The following SMYD3 variants were observed in gnomAD, a reference collection of about 807,000 sequenced individuals.
SMYD3 encodes the protein SET and MYND domain containing 3, also known as histone-lysine N-methyltransferase SMYD3.
Under a neutral mutation model 57.7 loss-of-function variants are expected in SMYD3, and 36 were observed. The observed-to-expected ratio is 0.62, with a 90% CI of 0.48 to 0.82. The LOEUF (loss-of-function observed/expected upper bound fraction) is 0.82. SMYD3 is among the 40% of genes least tolerant of loss of function. SMYD3 has a pLI of 0.00. For synonymous variants in SMYD3, 211 were observed against 195.0 expected (o/e 1.08, Z -0.68); for missense variants, 515 against 538.8 (o/e 0.96, Z 0.44).
chr1:246,194,361 T>C (rs941397373), intron 5 of SMYD3, among the ~76,000 whole-genome samples: 1 of 151,592 alleles, frequency 6.6e-6, no homozygotes, highest in East Asian at 1.9e-4. Context: ...TCCCACCTCC[T>C]GGGTTCAAGC....
At chr1:246,025,546 A>G (rs955043085) in intron 5 of SMYD3, among the ~76,000 whole-genome samples, 1 of 152,086 alleles carries the variant, frequency 6.6e-6, no homozygotes, top group South Asian at 2.1e-4. Context: ...AGGTCAAAAC[A>G]CTCATACCTC....
At chr1:246,104,374 C>T (rs1465986912) in intron 5 of SMYD3, among the ~76,000 whole-genome samples, 1 of 152,228 alleles carries the variant, frequency 6.6e-6, no homozygotes, top group Non-Finnish European at 1.5e-5. Flanking sequence ...CGGTGCTACT[C>T]AGAGCATGCT....
intron 5 of SMYD3, among the ~76,000 whole-genome samples, chr1:246,261,707 TA>T (rs34249312): frequency 0.42 from 63,089 of 150,960 alleles, 14,681 homozygotes; most frequent in East Asian, 0.79. Flanking sequence ...AATAAGAATT[TA>T]AAAAAAAAAT....
chr1:246,434,117 G>C (rs527406513), intron 1 of SMYD3, among the ~76,000 whole-genome samples: 1 of 152,128 alleles, frequency 6.6e-6, no homozygotes, highest in Non-Finnish European at 1.5e-5. Flanking sequence ...CAGAAATTAA[G>C]TCAAGATGGA....
chr1:245,807,719 C>T (rs1200737293), intron 10 of SMYD3, among the ~76,000 whole-genome samples: 1 of 151,308 alleles, frequency 6.6e-6, no homozygotes, highest in East Asian at 1.9e-4. Flanking sequence ...TTCAGAGACG[C>T]ATCAAGTGAC....
At chr1:245,964,281 C>A (rs1402606723) in intron 5 of SMYD3, among the ~76,000 whole-genome samples, 3 of 152,192 alleles carry the variant, frequency 2.0e-5, no homozygotes, top group Non-Finnish European at 4.4e-5. Context: ...AAACCTCCCA[C>A]CAGGCCCCAC....
rs201726897 is a variant in SMYD3, at chr1:246,023,807, C to CTGTGTGTGTGTGTGTGTGTGTGTGTG, written c.532-93896_532-93871dup. Among the ~76,000 whole-genome samples, 142 of 139,608 alleles carry CTGTGTGTGTGTGTGTGTGTGTGTGTG rather than the reference C, an allele frequency of 1.0e-3. 2 individuals carry two copies. Among genetic ancestry groups the CTGTGTGTGTGTGTGTGTGTGTGTGTG allele is most frequent in the Middle Eastern group, 3.6e-3 (1 of 280 alleles). The allele number at this position is 139,608 out of a possible 152,430, so 91.6% of individuals were successfully genotyped here. A position where few individuals can be genotyped will look rare whatever the true frequency, so the allele number is the denominator to read the frequency against. ...CCCACTTCACAGGACTATTACAAAA[C>CTGTGTGTGTGTGTGTGTGTGTGTGTG]TGTGTGTGTGTGTGTGTGTGTGTGT... On this transcript the variant is annotated intron_variant, in intron 5 of 11. Transcript: ENST00000490107.
chr1:246,494,251 A>G (rs1050568191), intron 1 of SMYD3, among the ~76,000 whole-genome samples: 1 of 152,246 alleles, frequency 6.6e-6, no homozygotes, highest in African/African-American at 2.4e-5. Context: ...CTATACAAAC[A>G]GCACTTCGCT....
chr1:245,979,116 G>A (rs899575461), intron 5 of SMYD3, among the ~76,000 whole-genome samples: 1 of 152,146 alleles, frequency 6.6e-6, no homozygotes, highest in African/African-American at 2.4e-5. Context: ...AACCTAGATA[G>A]GAGATGAGTC....
chr1:245,907,203 A>G (rs1306229142), intron 8 of SMYD3, among the ~76,000 whole-genome samples: 1 of 152,200 alleles, frequency 6.6e-6, no homozygotes, highest in Non-Finnish European at 1.5e-5. Context: ...GTTTTAAGAT[A>G]ACTTAAAAAA....
chr1:246,418,971 T>A (rs1041234054), intron 1 of SMYD3, among the ~76,000 whole-genome samples: 1 of 152,180 alleles, frequency 6.6e-6, no homozygotes, highest in African/African-American at 2.4e-5. Flanking sequence ...ACCATTGTGA[T>A]TTGTTCCCTC....
At chr1:246,354,751 G>C (rs1323158468) in intron 2 of SMYD3, among the ~76,000 whole-genome samples, 1 of 152,078 alleles carries the variant, frequency 6.6e-6, no homozygotes, top group Non-Finnish European at 1.5e-5. Flanking sequence ...CTGTGGAAAT[G>C]AGAATTGAAG....
intron 1 of SMYD3, among the ~76,000 whole-genome samples, chr1:246,480,065 T>C (rs945576554): frequency 2.6e-5 from 4 of 152,226 alleles, no homozygotes; most frequent in Non-Finnish European, 5.9e-5. Flanking sequence ...AGTTCAAGGA[T>C]CTTTTTTTAA....
chr1:246,477,061 A>C (rs959701758), intron 1 of SMYD3, among the ~76,000 whole-genome samples: 3 of 152,200 alleles, frequency 2.0e-5, no homozygotes, highest in Non-Finnish European at 4.4e-5. Context: ...GACATCTCTG[A>C]TGTGAATTGA....
At position 246,179,368 on chromosome 1, in the gene SMYD3, CTT is replaced by C. The variant is rs369814020; in HGVS notation, c.531+147831_531+147832del. ...TTTTGGTGATGAGGGGTCCTGATCT[CTT>C]GACATACAGACTGAAAAAATGGGGG... On this transcript the variant is annotated intron_variant, in intron 5 of 11. Coordinates refer to ENST00000490107, the MANE Select transcript of SMYD3 (RefSeq NM_001167740.2). 6.6e-5 allele frequency among the ~76,000 whole-genome samples: 10 copies of C among 152,284 alleles called. No homozygotes were observed. In the South Asian group the frequency reaches 1.7e-3, roughly 25 times the overall value.
intron 10 of SMYD3, among the ~76,000 whole-genome samples, chr1:245,780,567 G>A (rs2046788360): frequency 8.4e-6 from 1 of 119,080 alleles, no homozygotes; most frequent in Non-Finnish European, 1.5e-5. Context: ...ACAAGCATGA[G>A]GCTTTTTTTT....
At chr1:246,407,424 A>C (rs534430273) in intron 1 of SMYD3, among the ~76,000 whole-genome samples, 1 of 152,358 alleles carries the variant, frequency 6.6e-6, no homozygotes, top group East Asian at 1.9e-4. Flanking sequence ...AGAGCCGCAC[A>C]TTCACAGTAA....
intron 8 of SMYD3, among the ~76,000 whole-genome samples, chr1:245,898,465 C>T (rs1265191196): frequency 6.6e-6 from 1 of 152,182 alleles, no homozygotes; most frequent in Non-Finnish European, 1.5e-5. Context: ...CTAGAGAGCA[C>T]TGAATGGCAA....
chr1:246,391,942 A>G (rs1339747643), intron 1 of SMYD3, among the ~76,000 whole-genome samples: 1 of 152,188 alleles, frequency 6.6e-6, no homozygotes, highest in Non-Finnish European at 1.5e-5. Flanking sequence ...TGCACTATCC[A>G]TAACACTGAC....
Sources: gnomAD v4.1 joint callset for allele counts (sites outside exome capture counted in the v4.1 genomes callset) on GRCh38, gnomAD v4.1.1 for gene constraint, MANE v1.5 for transcripts, NCBI Gene and HGNC (gene_info 2026-07-23, HGNC 2026-07-21) for gene names.